Variants in ARFGAP3 observed in about 807,000 individuals in gnomAD.
The protein encoded by ARFGAP3 is ARF GTPase activating protein 3, also known as ADP-ribosylation factor GTPase-activating protein 3.
Under a neutral mutation model 75.0 loss-of-function variants are expected in ARFGAP3, and 72 were observed. The ratio of observed to expected loss-of-function variants is 0.96; its 90% CI spans 0.79 to 1.17. The LOEUF is 1.17. Ranked by LOEUF, ARFGAP3 falls within the 50% of genes most tolerant of loss-of-function variation. The pLI, the probability that ARFGAP3 is intolerant of heterozygous loss-of-function variation, is 0.00. For synonymous variants in ARFGAP3, 221 were observed against 217.9 expected (o/e 1.01, Z -0.13); for missense variants, 620 against 626.6 (o/e 0.99, Z 0.11).
intron 2 of ARFGAP3, 193 bp downstream of exon 2, chr22:42,847,321 C>T: frequency 3.8e-6 from 2 of 525,360 alleles, no homozygotes; most frequent in South Asian, 4.3e-5. Context: ...TATACATCAT[C>T]ACACCACAAC....
At chr22:42,806,327 G>C (rs888949792) in intron 14 of ARFGAP3, among the ~76,000 whole-genome samples, 4 of 122,530 alleles carry the variant, frequency 3.3e-5, no homozygotes, top group African/African-American at 8.7e-5. Context: ...CCTCAGTCAG[G>C]GGGAGGGGAA....
rs184188595 is a variant in ARFGAP3 at position 42,809,626 on chromosome 22, T to C, written c.1197-736A>G. ...GAACTGTTCTGTTTCTTGGTTTTGG[T>C]GGTAATTACATGAATGTATGTGCTT... is the stretch of plus-strand genomic sequence containing the variant. On this transcript the variant is annotated intron_variant, in intron 12 of 15. Coordinates refer to ENST00000263245, the MANE Select transcript of ARFGAP3 (RefSeq NM_014570.5). 1.9e-3 allele frequency among the ~76,000 whole-genome samples: 296 copies of C among 152,144 alleles called. 1 individual carries two copies. The highest frequency in any genetic ancestry group is 2.9e-3 in the Non-Finnish European group (200 of 68,002).
At chr22:42,810,778 T>C (rs201506495) in intron 12 of ARFGAP3, 35 bp downstream of exon 12, 90 of 1,575,224 alleles carry the variant, frequency 5.7e-5, no homozygotes, top group Non-Finnish European at 6.7e-5. Flanking sequence ...AATGCATGGA[T>C]TCACTACTAC....
intron 2 of ARFGAP3, 126 bp from the exon 3 acceptor site, chr22:42,841,142 G>A: frequency 6.9e-7 from 1 of 1,458,972 alleles, no homozygotes; most frequent in Non-Finnish European, 9.0e-7. Flanking sequence ...GTGTCAACAA[G>A]GACCCACACT....
intron 14 of ARFGAP3, among the ~76,000 whole-genome samples, chr22:42,804,865 T>C (rs1925049722): frequency 6.6e-6 from 1 of 151,492 alleles, no homozygotes; most frequent in South Asian, 2.1e-4. Context: ...TTTACTTCAA[T>C]AGGAAAGTAT....
At chr22:42,855,875 T>A (rs1927474010) in intron 1 of ARFGAP3, among the ~76,000 whole-genome samples, 3 of 151,522 alleles carry the variant, frequency 2.0e-5, no homozygotes, top group Admixed American at 2.0e-4. Context: ...ATTAATTAAT[T>A]AATTAATAAT....
At chr22:42,843,533 C>T (rs1440190403) in intron 2 of ARFGAP3, among the ~76,000 whole-genome samples, 2 of 152,144 alleles carry the variant, frequency 1.3e-5, no homozygotes, top group East Asian at 3.8e-4. Flanking sequence ...CATGCCCGGC[C>T]TTGTCTCCAT....
At position 42,799,171 on chromosome 22, in the gene ARFGAP3, A is replaced by G. The variant is rs770163805; in HGVS notation, c.1412-11T>C. The G allele has an allele frequency of 9.3e-6, 15 of 1,613,514 alleles. No individual in the cohort carries two copies. In the South Asian group the frequency reaches 1.5e-4, roughly 17 times the overall value. Reference sequence around the variant, plus strand: ...ACAGGCTGTAGTTCCCTGCACACACACAGCAGACACTGTCTCATCACTGCC... The same window carrying G: ...ACAGGCTGTAGTTCCCTGCACACACGCAGCAGACACTGTCTCATCACTGCC... On this transcript the variant is annotated splice_polypyrimidine_tract_variant and intron_variant, in intron 14 of 15. Coordinates refer to ENST00000263245, the MANE Select transcript of ARFGAP3 (RefSeq NM_014570.5).
intron 1 of ARFGAP3, among the ~76,000 whole-genome samples, chr22:42,856,756 G>A (rs1248961482): frequency 6.6e-6 from 1 of 151,698 alleles, no homozygotes; most frequent in Non-Finnish European, 1.5e-5. Flanking sequence ...CGGGGTTTCC[G>A]AGCCGGGAGC....
At chr22:42,797,632 C>T in intron 15 of ARFGAP3, 27 bp from the exon 16 acceptor site, 1 of 1,613,932 alleles carries the variant, frequency 6.2e-7, no homozygotes, top group Non-Finnish European at 8.5e-7. Context: ...AATGGAAGTT[C>T]ACGACCATTC....
chr22:42,815,438 C>T (rs1208486249), intron 11 of ARFGAP3, among the ~76,000 whole-genome samples: 2 of 150,672 alleles, frequency 1.3e-5, no homozygotes, highest in Non-Finnish European at 3.0e-5. Flanking sequence ...TGGTAAAATC[C>T]CTGGACTTGA....
chr22:42,804,882 CAAAAT>C (rs201758750), intron 14 of ARFGAP3, among the ~76,000 whole-genome samples: 294 of 151,032 alleles, frequency 1.9e-3, no homozygotes, highest in African/African-American at 6.3e-3. Flanking sequence ...GTATTAAAGA[CAAAAT>C]AAAAGAAAAA....
At position 42,857,099 on chromosome 22, in the gene ARFGAP3, G is replaced by A. The variant is rs774806228; in HGVS notation, c.69+15C>T. On this transcript the variant is annotated intron_variant, in intron 1 of 15. Transcript: ENST00000263245. ...AGGGATGCCAGGCAGGCCCGCACTC[G>A]CCCGCGGCCGCTACCTTGTTAGTGG... 2 of 1,503,574 alleles carry A rather than the reference G, an allele frequency of 1.3e-6. No individual in the cohort carries two copies. Among genetic ancestry groups the A allele is most frequent in the East Asian group, 5.8e-5 (2 of 34,646 alleles). 93.1% of individuals were successfully genotyped at this position (1,503,574 alleles called of 1,614,324 possible).
chr22:42,822,755 T>C (rs1925868096), intron 8 of ARFGAP3, among the ~76,000 whole-genome samples: 1 of 152,216 alleles, frequency 6.6e-6, no homozygotes, highest in African/African-American at 2.4e-5. Flanking sequence ...TGAAAATAGT[T>C]ACTAATTCTG....
intron 1 of ARFGAP3, among the ~76,000 whole-genome samples, chr22:42,852,507 A>G (rs1284014337): frequency 2.0e-5 from 3 of 148,690 alleles, no homozygotes; most frequent in Non-Finnish European, 3.0e-5. Flanking sequence ...TTACAGGCAC[A>G]TGGCACCACG....
chr22:42,847,317 T>C (rs535264932), intron 2 of ARFGAP3, 197 bp downstream of exon 2: 1 of 515,816 alleles, frequency 1.9e-6, no homozygotes, highest in African/African-American at 1.9e-5. Context: ...GAGTTATACA[T>C]CATCACACCA....
chr22:42,823,880 T>C (rs2074134057), intron 7 of ARFGAP3, 178 bp from the exon 8 acceptor site: 1 of 504,850 alleles, frequency 2.0e-6, no homozygotes. Flanking sequence ...AACAGAACTT[T>C]GTCAAAATGG....
intron 12 of ARFGAP3, among the ~76,000 whole-genome samples, chr22:42,809,674 G>C (rs1925275842): frequency 6.6e-6 from 1 of 152,060 alleles, no homozygotes; most frequent in Non-Finnish European, 1.5e-5. Flanking sequence ...AGTTTAAAAA[G>C]ATGAATTTTA....
At chr22:42,848,350 A>G (rs921050805) in intron 1 of ARFGAP3, among the ~76,000 whole-genome samples, 3 of 152,072 alleles carry the variant, frequency 2.0e-5, no homozygotes, top group Admixed American at 2.0e-4. Flanking sequence ...CTGGGACTAC[A>G]GGCGCCCGCC....
Sources: gnomAD v4.1 joint callset for allele counts (sites outside exome capture counted in the v4.1 genomes callset) on GRCh38, gnomAD v4.1.1 for gene constraint, MANE v1.5 for transcripts, NCBI Gene and HGNC (gene_info 2026-07-23, HGNC 2026-07-21) for gene names.